SYT1: variants seen among roughly 807,000 people sequenced by gnomAD.
SYT1 encodes the protein synaptotagmin 1.
In SYT1, 8 loss-of-function variants were observed where a neutral mutation model predicts 44.8. That is an observed-to-expected ratio of 0.18 (90% CI 0.10 to 0.32). The LOEUF (loss-of-function observed/expected upper bound fraction) is 0.32. Among genes scored for constraint, SYT1 ranks in the 10% least tolerant of loss-of-function variants. The pLI is 1.00. For synonymous variants in SYT1, 154 were observed against 188.8 expected, an observed-to-expected ratio of 0.82 and a Z score of 1.51; for missense variants, 286 against 509.3, an observed-to-expected ratio of 0.56 and a Z score of 4.22.
intron 2 of SYT1, among the ~76,000 whole-genome samples, chr12:79,030,858 T>C (rs763979794): frequency 6.6e-6 from 1 of 151,016 alleles, no homozygotes; most frequent in Admixed American, 6.6e-5. Flanking sequence ...CTTAGAAGTA[T>C]ACCTACATTG....
At chr12:79,370,681 T>C (rs1020046040) in intron 9 of SYT1, among the ~76,000 whole-genome samples, 6 of 152,042 alleles carry the variant, frequency 3.9e-5, no homozygotes, top group African/African-American at 1.4e-4. Flanking sequence ...GAGAATGGCG[T>C]GAACCCGGGA....
chr12:79,203,348 G>A (rs1443304422), intron 3 of SYT1, among the ~76,000 whole-genome samples: 4 of 152,016 alleles, frequency 2.6e-5, no homozygotes, highest in African/African-American at 9.7e-5. Context: ...TCATACTTAC[G>A]ACATGGCTGC....
In SYT1 at chr12:78,950,964, C is replaced by G. The variant is rs150500028; in HGVS notation, c.-216-26835C>G. 9.2e-5 allele frequency among the ~76,000 whole-genome samples: 14 copies of G among 152,164 alleles called. No individual in the cohort carries two copies. In the East Asian group the frequency reaches 2.3e-3, roughly 25 times the overall value. On this transcript the variant is annotated intron_variant, in intron 1 of 10. Coordinates refer to ENST00000261205, the MANE Select transcript of SYT1 (RefSeq NM_005639.3). ...TTTCTATATTTCTACATTTTAAATA[C>G]AAATTGACATCACCCATGGACATCA...
chr12:79,326,514 T>G (rs1881614216), intron 8 of SYT1, among the ~76,000 whole-genome samples: 1 of 152,194 alleles, frequency 6.6e-6, no homozygotes, highest in African/African-American at 2.4e-5. Context: ...AGGGGGTTGT[T>G]CTTTCAGTTC....
chr12:79,334,276 C>T (rs1881988267), intron 8 of SYT1, among the ~76,000 whole-genome samples: 1 of 151,994 alleles, frequency 6.6e-6, no homozygotes. Context: ...TCTCTCTTGT[C>T]TGTAACTCTA....
chr12:78,895,957 G>T (rs572591753), intron 1 of SYT1, among the ~76,000 whole-genome samples: 4 of 151,828 alleles, frequency 2.6e-5, no homozygotes, highest in African/African-American at 7.2e-5. Context: ...TAGTTACCAT[G>T]CAATGCAGTT....
At chr12:78,986,553 T>C (rs746184340) in intron 2 of SYT1, among the ~76,000 whole-genome samples, 10 of 151,914 alleles carry the variant, frequency 6.6e-5, no homozygotes, top group Non-Finnish European at 8.8e-5. Context: ...CAAAACAAAG[T>C]AACGATTATT....
At chr12:79,332,842 C>T (rs973551250) in intron 8 of SYT1, among the ~76,000 whole-genome samples, 2 of 152,156 alleles carry the variant, frequency 1.3e-5, no homozygotes, top group African/African-American at 4.8e-5. Context: ...CACACACTCT[C>T]TTACCTATAC....
chr12:79,379,690 A>G (rs1884139430), intron 9 of SYT1, among the ~76,000 whole-genome samples: 1 of 152,184 alleles, frequency 6.6e-6, no homozygotes, highest in East Asian at 1.9e-4. Flanking sequence ...TATATACTGA[A>G]GAATCAATCA....
At chr12:79,220,848 C>T (rs539589375) in intron 4 of SYT1, among the ~76,000 whole-genome samples, 5 of 152,238 alleles carry the variant, frequency 3.3e-5, no homozygotes, top group South Asian at 2.1e-4. Flanking sequence ...TGTGGCCTCA[C>T]ATACGATCTA....
intron 3 of SYT1, among the ~76,000 whole-genome samples, chr12:79,190,937 GT>G (rs1873080029): frequency 6.6e-6 from 1 of 151,892 alleles, no homozygotes; most frequent in South Asian, 2.1e-4. Flanking sequence ...ACAAAACAAG[GT>G]TCCTGTTTCT....
intron 9 of SYT1, among the ~76,000 whole-genome samples, chr12:79,427,966 A>G (rs919616875): frequency 1.2e-4 from 18 of 152,362 alleles, no homozygotes; most frequent in Non-Finnish European, 2.2e-4. Context: ...CACAATGTGT[A>G]TAATCTAAGT....
intron 8 of SYT1, among the ~76,000 whole-genome samples, chr12:79,338,826 C>T (rs908852972): frequency 2.6e-5 from 4 of 151,992 alleles, no homozygotes; most frequent in South Asian, 2.1e-4. Context: ...CCCCATCCCC[C>T]GACCCCACAA....
chr12:79,214,830 ATCT>A (rs761234568), intron 3 of SYT1, among the ~76,000 whole-genome samples: 2 of 152,156 alleles, frequency 1.3e-5, no homozygotes, highest in African/African-American at 2.4e-5. Context: ...GTCCTCAAAT[ATCT>A]TCAACTATCC....
At chr12:79,145,412 T>C (rs888550432) in intron 3 of SYT1, among the ~76,000 whole-genome samples, 1 of 152,160 alleles carries the variant, frequency 6.6e-6, no homozygotes, top group African/African-American at 2.4e-5. Flanking sequence ...AATATTTAAA[T>C]TAATATTTAT....
chr12:79,055,231 T>G (rs1025534522), intron 3 of SYT1, among the ~76,000 whole-genome samples: 1 of 152,022 alleles, frequency 6.6e-6, no homozygotes, highest in African/African-American at 2.4e-5. Context: ...AATTAGTTGA[T>G]AGAATTCAGT....
intron 2 of SYT1, among the ~76,000 whole-genome samples, chr12:79,040,064 G>A (rs1485884455): frequency 3.3e-5 from 5 of 151,952 alleles, no homozygotes; most frequent in East Asian, 3.9e-4. Context: ...GCTATTGTGA[G>A]TAATGCCGCA....
intron 3 of SYT1, among the ~76,000 whole-genome samples, chr12:79,119,304 T>G (rs1213766198): frequency 6.6e-6 from 1 of 152,192 alleles, no homozygotes; most frequent in Non-Finnish European, 1.5e-5. Flanking sequence ...ATTTTGCTTT[T>G]TAAAAACCTT....
At chr12:79,072,820 C>T (rs1876376323) in intron 3 of SYT1, among the ~76,000 whole-genome samples, 2 of 152,028 alleles carry the variant, frequency 1.3e-5, no homozygotes, top group South Asian at 2.1e-4. Context: ...TACCAGGCAC[C>T]GGTCAAGGTA....
Sources: gnomAD v4.1 joint callset for allele counts (sites outside exome capture counted in the v4.1 genomes callset) on GRCh38, gnomAD v4.1.1 for gene constraint, MANE v1.5 for transcripts, NCBI Gene and HGNC (gene_info 2026-07-23, HGNC 2026-07-21) for gene names.